DDX10: variants seen among roughly 807,000 people sequenced by gnomAD.
DDX10 encodes the protein DEAD-box helicase 10, also known as probable ATP-dependent RNA helicase DDX10.
DDX10 carries 74 observed loss-of-function variants against 104.3 expected under a neutral mutation model. The ratio of observed to expected loss-of-function variants is 0.71; its 90% CI spans 0.59 to 0.86. DDX10 has a LOEUF of 0.86. Among genes scored for constraint, DDX10 ranks in the 40% least tolerant of loss-of-function variants. The pLI, the probability that DDX10 is intolerant of heterozygous loss-of-function variation, is 0.00. For synonymous variants in DDX10, 351 were observed against 353.4 expected (o/e 0.99, Z 0.08); for missense variants, 952 against 1,040.0 (o/e 0.92, Z 1.16).
rs201162511 is a variant in DDX10, at chr11:108,940,230, G to A, written c.2451-16G>A. On this transcript the variant is annotated splice_polypyrimidine_tract_variant and intron_variant, in intron 17 of 17. Transcript: ENST00000322536. ...ATACTGAGTCTAAAGTAAATCTTTG[G>A]ATTTCTTCTCACCAGTGATACCAAG... is the stretch of plus-strand genomic sequence containing the variant. 136 of 1,611,496 alleles carry A rather than the reference G, an allele frequency of 8.4e-5. No individual in the cohort carries two copies. The African/African-American group carries it at 1.2e-3, about 14-fold the overall frequency.
At chr11:108,701,402 G>A (rs1442119572) in intron 9 of DDX10, among the ~76,000 whole-genome samples, 2 of 152,108 alleles carry the variant, frequency 1.3e-5, no homozygotes, top group African/African-American at 4.8e-5. Context: ...AGAGGACTGT[G>A]CGATAGTAGA....
chr11:108,898,140 G>A (rs1863465316), intron 16 of DDX10, among the ~76,000 whole-genome samples: 2 of 152,186 alleles, frequency 1.3e-5, no homozygotes, highest in African/African-American at 4.8e-5. Context: ...TTTGTGAGGG[G>A]GCTGCCCATC....
intron 6 of DDX10, among the ~76,000 whole-genome samples, chr11:108,684,538 T>G (rs1297638224): frequency 1.3e-5 from 2 of 149,844 alleles, no homozygotes; most frequent in African/African-American, 4.9e-5. Flanking sequence ...ACTCATCAGT[T>G]TTTATGGCTG....
At chr11:108,758,060 T>C (rs1325387193) in intron 13 of DDX10, among the ~76,000 whole-genome samples, 1 of 151,980 alleles carries the variant, frequency 6.6e-6, no homozygotes, top group African/African-American at 2.4e-5. Flanking sequence ...GTGGCAGCAT[T>C]GTCTTCATGG....
chr11:108,937,988 T>G (rs918529035), intron 17 of DDX10, among the ~76,000 whole-genome samples: 1 of 152,202 alleles, frequency 6.6e-6, no homozygotes, highest in African/African-American at 2.4e-5. Flanking sequence ...AATGCAGAGC[T>G]CAGGCTTGGA....
intron 1 of DDX10, among the ~76,000 whole-genome samples, chr11:108,672,000 G>A (rs1363588296): frequency 6.9e-6 from 1 of 145,644 alleles, no homozygotes; most frequent in Non-Finnish European, 1.5e-5. Context: ...GGTGGAGCTT[G>A]CAGTGAGCCA....
At chr11:108,877,053 G>C (rs746464539) in intron 16 of DDX10, among the ~76,000 whole-genome samples, 45 of 152,122 alleles carry the variant, frequency 3.0e-4, no homozygotes, top group Non-Finnish European at 5.0e-4. Flanking sequence ...AAAGGCCAAA[G>C]CTTGGCATGT....
chr11:108,801,256 GC>G (rs1020603146), intron 13 of DDX10, among the ~76,000 whole-genome samples: 2 of 152,120 alleles, frequency 1.3e-5, no homozygotes, highest in African/African-American at 4.8e-5. Flanking sequence ...GTCCTTACCT[GC>G]CTAACCTGTG....
intron 17 of DDX10, among the ~76,000 whole-genome samples, chr11:108,939,150 CTG>C (rs1176114806): frequency 6.6e-6 from 1 of 152,126 alleles, no homozygotes; most frequent in African/African-American, 2.4e-5. Context: ...AATAAGACAA[CTG>C]AGGGTTAGAA....
chr11:108,760,880 T>C (rs1454479731), intron 13 of DDX10, among the ~76,000 whole-genome samples: 1 of 151,956 alleles, frequency 6.6e-6, no homozygotes, highest in Non-Finnish European at 1.5e-5. Flanking sequence ...CCTTTTCTGA[T>C]TGGCAGGGCT....
At chr11:108,864,133 T>TA (rs896628401) in intron 16 of DDX10, among the ~76,000 whole-genome samples, 2 of 152,192 alleles carry the variant, frequency 1.3e-5, no homozygotes, top group African/African-American at 4.8e-5. Context: ...TGAATCACAT[T>TA]AAAAAATGTG....
chr11:108,819,657 G>C (rs1862299688), intron 13 of DDX10, among the ~76,000 whole-genome samples: 1 of 151,886 alleles, frequency 6.6e-6, no homozygotes, highest in African/African-American at 2.4e-5. Context: ...GGAGTGCAAT[G>C]GTGCAATCTC....
intron 6 of DDX10, among the ~76,000 whole-genome samples, chr11:108,683,563 T>C (rs2094238471): frequency 6.6e-6 from 1 of 152,202 alleles, no homozygotes; most frequent in African/African-American, 2.4e-5. Context: ...TTTGTATTTA[T>C]TCCTGCTTTT....
intron 13 of DDX10, among the ~76,000 whole-genome samples, chr11:108,812,490 C>T (rs914155857): frequency 6.6e-6 from 1 of 152,076 alleles, no homozygotes; most frequent in African/African-American, 2.4e-5. Flanking sequence ...GATATGTCAC[C>T]TCTCTGCCTG....
chr11:108,866,733 T>C (rs181375202), intron 16 of DDX10, among the ~76,000 whole-genome samples: 48 of 152,336 alleles, frequency 3.2e-4, no homozygotes, highest in African/African-American at 1.0e-3. Flanking sequence ...AGTCCTCACA[T>C]GTAGGTATTA....
At chr11:108,739,852 T>C (rs1447158950) in intron 13 of DDX10, among the ~76,000 whole-genome samples, 1 of 152,186 alleles carries the variant, frequency 6.6e-6, no homozygotes, top group African/African-American at 2.4e-5. Flanking sequence ...CCCTTTCTTA[T>C]CAGATTGCTT....
chr11:108,826,552 C>T (rs1449260954), intron 13 of DDX10, among the ~76,000 whole-genome samples: 1 of 152,178 alleles, frequency 6.6e-6, no homozygotes, highest in Non-Finnish European at 1.5e-5. Flanking sequence ...TCCATTCAGT[C>T]GAAGAGTGTC....
chr11:108,747,683 A>G (rs181834555), intron 13 of DDX10, among the ~76,000 whole-genome samples: 44 of 152,138 alleles, frequency 2.9e-4, no homozygotes, highest in East Asian at 2.7e-3. Flanking sequence ...TTCCTAGTCT[A>G]TCCTTTGGAT....
intron 17 of DDX10, among the ~76,000 whole-genome samples, chr11:108,925,590 AC>A (rs1485568634): frequency 6.6e-6 from 1 of 152,174 alleles, no homozygotes; most frequent in Non-Finnish European, 1.5e-5. Flanking sequence ...CATAGAATGC[AC>A]TCATGCCTAA....
Sources: gnomAD v4.1 joint callset for allele counts (sites outside exome capture counted in the v4.1 genomes callset) on GRCh38, gnomAD v4.1.1 for gene constraint, MANE v1.5 for transcripts, NCBI Gene and HGNC (gene_info 2026-07-23, HGNC 2026-07-21) for gene names.